The following PREX1 variants were observed in gnomAD, a reference collection of about 807,000 sequenced individuals.
PREX1 encodes phosphatidylinositol-3,4,5-trisphosphate dependent Rac exchange factor 1.
In PREX1, 41 loss-of-function variants were observed where a neutral mutation model predicts 198.3. That is an observed-to-expected ratio of 0.21 (90% CI 0.16 to 0.27). PREX1 has a LOEUF of 0.27. Among genes scored for constraint, PREX1 ranks in the 10% least tolerant of loss-of-function variants. The pLI is 1.00. For synonymous variants in PREX1, 843 were observed against 887.2 expected, an observed-to-expected ratio of 0.95 and a Z score of 0.89; for missense variants, 1,620 against 2,200.7, an observed-to-expected ratio of 0.74 and a Z score of 5.28.
At chr20:48,658,115 C>T in intron 17 of PREX1, 21 bp downstream of exon 17, 1 of 1,608,078 alleles carries the variant, frequency 6.2e-7, no homozygotes, top group Non-Finnish European at 8.5e-7. Flanking sequence ...CGGTCCCTGC[C>T]AGCTCCCCCG....
intron 1 of PREX1, among the ~76,000 whole-genome samples, chr20:48,771,398 T>C (rs1244705175): frequency 6.6e-6 from 1 of 151,820 alleles, no homozygotes; most frequent in Non-Finnish European, 1.5e-5. Flanking sequence ...GGAATCACTG[T>C]TTGGGAGTCT....
chr20:48,644,580 TG>T (rs1206131683), intron 26 of PREX1, 83 bp from the exon 27 acceptor site: 1 of 1,267,644 alleles, frequency 7.9e-7, no homozygotes, highest in Non-Finnish European at 1.1e-6. Flanking sequence ...CTTTCTACAG[TG>T]TAGACAAAAC....
intron 1 of PREX1, among the ~76,000 whole-genome samples, chr20:48,792,761 T>C (rs1244937471): frequency 4.0e-5 from 5 of 125,186 alleles, no homozygotes; most frequent in Admixed American, 8.9e-5. Context: ...AAAAAAGGAA[T>C]GAAATTCTGA....
intron 7 of PREX1, among the ~76,000 whole-genome samples, chr20:48,695,252 G>T (rs1196711731): frequency 1.2e-4 from 18 of 152,124 alleles, no homozygotes; most frequent in Admixed American, 1.2e-3. Flanking sequence ...TACACAAATG[G>T]AATCACAAGT....
At chr20:48,639,063 C>A (rs1414751970) in intron 30 of PREX1, among the ~76,000 whole-genome samples, 1 of 152,248 alleles carries the variant, frequency 6.6e-6, no homozygotes, top group East Asian at 1.9e-4. Flanking sequence ...CGTCCGGATC[C>A]TTCTAACGCA....
At chr20:48,886,423 CA>C in the PREX1 span, among the ~76,000 whole-genome samples, 24 of 152,290 alleles carry the variant, frequency 1.6e-4, no homozygotes, top group East Asian at 4.6e-3. Flanking sequence ...GGCACACCCC[CA>C]GGCGCTGGCC....
At chr20:48,648,858 T>C (rs995640017) in intron 25 of PREX1, among the ~76,000 whole-genome samples, 1 of 152,214 alleles carries the variant, frequency 6.6e-6, no homozygotes, top group African/African-American at 2.4e-5. Context: ...CAGCTCTGTA[T>C]CTGCTGGCAA....
intron 1 of PREX1, among the ~76,000 whole-genome samples, chr20:48,819,305 A>T (rs1208016198): frequency 6.6e-6 from 1 of 152,084 alleles, no homozygotes; most frequent in Non-Finnish European, 1.5e-5. Context: ...ACTGTTCCTC[A>T]AACAAGCCTG....
At chr20:48,812,327 C>CATAAGAGGAATGGGTAAATAAT (rs2090439950) in intron 1 of PREX1, among the ~76,000 whole-genome samples, 1 of 88,732 alleles carries the variant, frequency 1.1e-5, no homozygotes, top group Non-Finnish European at 2.5e-5. Context: ...GGGTAAATAA[C>CATAAGAGGAATGGGTAAATAAT]ATAAGAGGAA....
At chr20:48,846,741 G>A in the PREX1 span, among the ~76,000 whole-genome samples, 76 of 152,294 alleles carry the variant, frequency 5.0e-4, no homozygotes, top group Admixed American at 1.4e-3. Context: ...CAGTCTCCCA[G>A]CCCCATGGAT....
rs191193384 is a variant in PREX1 at position 48,769,610 on chromosome 20, A to G, written c.220-21730T>C. Among the ~76,000 whole-genome samples the G allele has an allele frequency of 2.3e-3, 345 of 152,250 alleles. 5 individuals are homozygous for G. The highest frequency in any genetic ancestry group is 1.5e-3 in the East Asian group (8 of 5,180). The stretch of plus-strand genomic sequence containing the variant: ...ATCTCCTCCCACACTGGCACCCTTG[A>G]AGGTGCAGAAACACATGAGACAGGC... On this transcript the variant is annotated intron_variant, in intron 1 of 39. Transcript: ENST00000371941.
At chr20:48,732,005 G>A (rs2122718390) in intron 4 of PREX1, among the ~76,000 whole-genome samples, 1 of 152,344 alleles carries the variant, frequency 6.6e-6, no homozygotes, top group South Asian at 2.1e-4. Context: ...AGCCTGGGCA[G>A]CAGGGACTGT....
At chr20:48,678,479 A>AAG (rs1568819713) in intron 13 of PREX1, among the ~76,000 whole-genome samples, 91 of 150,542 alleles carry the variant, frequency 6.0e-4, no homozygotes, top group East Asian at 1.6e-3. Context: ...CAAAAAAAAA[A>AAG]AAGAAGAAGA....
intron 1 of PREX1, among the ~76,000 whole-genome samples, chr20:48,792,802 CA>C (rs200047465): frequency 2.3e-3 from 219 of 95,268 alleles, no homozygotes; most frequent in Non-Finnish European, 2.7e-3. Context: ...AAGCCAGATA[CA>C]AAAAAAAAAA....
At position 48,636,703 on chromosome 20, in the gene PREX1, G is replaced by A. The variant is rs2089368051; in HGVS notation, c.3947-20C>T. 2 of 1,575,634 alleles carry A rather than the reference G, an allele frequency of 1.3e-6. No homozygotes were observed. The highest frequency in any genetic ancestry group is 4.6e-5 in the East Asian group (2 of 43,210). On this transcript the variant is annotated intron_variant, in intron 31 of 39. Coordinates refer to ENST00000371941, the MANE Select transcript of PREX1 (RefSeq NM_020820.4). ...CCGTGTCTGGGGGCAGAGGGCAGGAGGCCTTGCTGGAGGGGCGCTCCCGTG... is the reference window on the plus strand; with the variant it reads ...CCGTGTCTGGGGGCAGAGGGCAGGAAGCCTTGCTGGAGGGGCGCTCCCGTG...
intron 18 of PREX1, among the ~76,000 whole-genome samples, chr20:48,656,057 T>C (rs188540441): frequency 5.5e-4 from 84 of 152,312 alleles, no homozygotes; most frequent in Non-Finnish European, 2.5e-4. Context: ...TGGTGCTTTC[T>C]GCCACTTCCA....
intron 14 of PREX1, among the ~76,000 whole-genome samples, chr20:48,672,493 C>T (rs1448749202): frequency 6.6e-6 from 1 of 152,244 alleles, no homozygotes; most frequent in East Asian, 1.9e-4. Flanking sequence ...TGAACTGAAG[C>T]CACACACACT....
chr20:48,726,923 T>G (rs2281288), intron 4 of PREX1, among the ~76,000 whole-genome samples: 91,959 of 152,160 alleles, frequency 0.6, 30,775 homozygotes, highest in African/African-American at 0.91. Context: ...ATGCAGCAGT[T>G]AAAATGAGAT....
chr20:48,682,531 G>C (rs940273356), intron 10 of PREX1, among the ~76,000 whole-genome samples: 8 of 152,188 alleles, frequency 5.3e-5, no homozygotes, highest in Admixed American at 4.6e-4. Context: ...ATGCAGAGCA[G>C]GGCTCAATGA....
Sources: allele counts gnomAD v4.1 joint callset (sites outside exome capture counted in the v4.1 genomes callset), GRCh38; gene constraint gnomAD v4.1.1; transcripts MANE v1.5; gene names NCBI Gene and HGNC (gene_info 2026-07-23, HGNC 2026-07-21).